The following DENND1B variants were observed in gnomAD, a reference collection of about 807,000 sequenced individuals.
DENND1B encodes the protein DENN domain-containing protein 1B.
A neutral mutation model predicts 90.1 loss-of-function variants in DENND1B; 59 were observed. The ratio of observed to expected loss-of-function variants is 0.65; its 90% confidence interval spans 0.53 to 0.81. The LOEUF is 0.81. DENND1B is among the 40% of genes least tolerant of loss of function. DENND1B has a pLI of 0.00. For missense variants in DENND1B, 862 were observed against 912.6 expected, an observed-to-expected ratio of 0.94 and a Z score of 0.71; for synonymous variants, 337 against 324.6, an observed-to-expected ratio of 1.04 and a Z score of -0.41.
the DENND1B span, among the ~76,000 whole-genome samples, chr1:197,781,501 GTGT>G: frequency 6.6e-6 from 1 of 152,154 alleles, no homozygotes; most frequent in Admixed American, 6.5e-5. Context: ...GACTGAGATA[GTGT>G]TGTTAAGGAA....
At chr1:197,662,994 G>C (rs894794866) in intron 5 of DENND1B, among the ~76,000 whole-genome samples, 1 of 151,982 alleles carries the variant, frequency 6.6e-6, no homozygotes, top group Non-Finnish European at 1.5e-5. Context: ...TTTTAAGTTT[G>C]GTATTGCTTC....
intron 15 of DENND1B, among the ~76,000 whole-genome samples, chr1:197,578,854 C>T (rs1479482518): frequency 6.6e-6 from 1 of 151,890 alleles, no homozygotes; most frequent in Non-Finnish European, 1.5e-5. Flanking sequence ...AAAAAAAAGT[C>T]CCTCCCTTTA....
At chr1:197,546,059 C>T in intron 17 of DENND1B, 69 bp from the exon 18 acceptor site, 1 of 1,287,662 alleles carries the variant, frequency 7.8e-7, no homozygotes, top group South Asian at 1.4e-5. Flanking sequence ...CAAAGTATTA[C>T]AGTAAGTTGC....
intron 15 of DENND1B, among the ~76,000 whole-genome samples, chr1:197,559,344 C>T (rs1354911156): frequency 1.3e-5 from 2 of 151,858 alleles, no homozygotes; most frequent in African/African-American, 2.4e-5. Flanking sequence ...GGCAGTGGTG[C>T]AATTCTCTGC....
At chr1:197,549,052 T>A (rs1279396517) in intron 16 of DENND1B, among the ~76,000 whole-genome samples, 3 of 152,144 alleles carry the variant, frequency 2.0e-5, no homozygotes, top group Admixed American at 6.6e-5. Flanking sequence ...ATTCTAAAAA[T>A]TAATTTGAAT....
intron 8 of DENND1B, 35 bp downstream of exon 8, chr1:197,647,020 A>G (rs1680780980): frequency 7.0e-7 from 1 of 1,432,582 alleles, no homozygotes; most frequent in Admixed American, 3.3e-5. Context: ...CCTATTTAAT[A>G]GTGATTTTTA....
chr1:197,559,216 A>C (rs548098274), intron 15 of DENND1B, among the ~76,000 whole-genome samples: 80 of 152,086 alleles, frequency 5.3e-4, no homozygotes, highest in Admixed American at 5.3e-3. Flanking sequence ...TAAATATTTA[A>C]TTGCAATCAC....
At position 197,564,225 on chromosome 1, in the gene DENND1B, T is replaced by C. The variant is rs188275268; in HGVS notation, c.1150-11113A>G. Reference sequence around the variant, plus strand: ...AAGTTCTACTGTGGATAAAATGCTATCAAATAGCACCATATGCTACAAAGA... The same window carrying C: ...AAGTTCTACTGTGGATAAAATGCTACCAAATAGCACCATATGCTACAAAGA... On this transcript the variant is annotated intron_variant, in intron 15 of 22. Transcript: ENST00000620048. 4.6e-5 allele frequency among the ~76,000 whole-genome samples: 7 copies of C among 151,750 alleles called. No homozygotes were observed. The East Asian group carries it at 1.2e-3, about 25-fold the overall frequency.
chr1:197,750,184 G>C (rs985987986), intron 2 of DENND1B, among the ~76,000 whole-genome samples: 3 of 152,156 alleles, frequency 2.0e-5, no homozygotes, highest in Non-Finnish European at 4.4e-5. Flanking sequence ...GTGTATGACA[G>C]CAATAGCACA....
chr1:197,759,212 A>G (rs1027954521), intron 2 of DENND1B, among the ~76,000 whole-genome samples: 12 of 151,052 alleles, frequency 7.9e-5, no homozygotes, highest in African/African-American at 2.7e-4. Flanking sequence ...CATGTGATCC[A>G]CCCACCTCAG....
chr1:197,530,719 TAAAC>T (rs1558207836), intron 20 of DENND1B, among the ~76,000 whole-genome samples: 1 of 152,164 alleles, frequency 6.6e-6, no homozygotes, highest in Non-Finnish European at 1.5e-5. Context: ...ATGGTAACCA[TAAAC>T]AAACAGCTAC....
chr1:197,754,544 C>T (rs1408849177), intron 2 of DENND1B, among the ~76,000 whole-genome samples: 1 of 151,060 alleles, frequency 6.6e-6, no homozygotes, highest in African/African-American at 2.4e-5. Flanking sequence ...TGTAATCCCA[C>T]TTACTCAGGT....
chr1:197,713,819 A>AATATATTATATATAATATATTAT (rs1660267046), intron 3 of DENND1B, among the ~76,000 whole-genome samples: 1 of 55,740 alleles, frequency 1.8e-5, no homozygotes, highest in African/African-American at 6.3e-5. Flanking sequence ...TATTATATAT[A>AATATATTATATATAATATATTAT]ATATATTATA....
At chr1:197,519,518 C>G (rs1042336757) in intron 20 of DENND1B, among the ~76,000 whole-genome samples, 1 of 151,852 alleles carries the variant, frequency 6.6e-6, no homozygotes, top group African/African-American at 2.4e-5. Flanking sequence ...TAAGAAGAGG[C>G]CCCTTGTCCT....
chr1:197,640,330 G>T (rs1016981938), intron 10 of DENND1B, among the ~76,000 whole-genome samples: 5 of 151,822 alleles, frequency 3.3e-5, no homozygotes, highest in African/African-American at 1.2e-4. Flanking sequence ...AAAATTAGCT[G>T]GTTGTGGTGG....
intron 2 of DENND1B, among the ~76,000 whole-genome samples, chr1:197,739,465 A>G (rs1663012775): frequency 6.6e-6 from 1 of 152,246 alleles, no homozygotes; most frequent in Admixed American, 6.5e-5. Flanking sequence ...TTATCAAAAT[A>G]TAACAGAAAC....
At chr1:197,520,023 G>GGGCA (rs1284409424) in intron 20 of DENND1B, among the ~76,000 whole-genome samples, 1 of 151,726 alleles carries the variant, frequency 6.6e-6, no homozygotes, top group Non-Finnish European at 1.5e-5. Context: ...AATTTAGTAG[G>GGGCA]GGCAGGCAGG....
chr1:197,772,960 C>T (rs1371024289), intron 1 of DENND1B, 28 bp from the exon 2 acceptor site: 1 of 1,527,760 alleles, frequency 6.5e-7, no homozygotes, highest in Admixed American at 2.0e-5. Context: ...AAATTAATTT[C>T]CTATGACAAA....
At chr1:197,574,078 T>C (rs1571929622) in intron 15 of DENND1B, among the ~76,000 whole-genome samples, 1 of 152,150 alleles carries the variant, frequency 6.6e-6, no homozygotes, top group Non-Finnish European at 1.5e-5. Flanking sequence ...ATAGTGTTGG[T>C]AGTTCTGGCC....
Sources: allele counts gnomAD v4.1 joint callset (sites outside exome capture counted in the v4.1 genomes callset), GRCh38; gene constraint gnomAD v4.1.1; transcripts MANE v1.5; gene names NCBI Gene and HGNC (gene_info 2026-07-23, HGNC 2026-07-21).